GALNT12: variants seen among roughly 807,000 people sequenced by gnomAD.
The protein encoded by GALNT12 is UDP-GalNAc:polypeptide N-acetylgalactosaminyltransferase 12.
A neutral mutation model predicts 55.5 loss-of-function variants in GALNT12; 45 were observed. The ratio of observed to expected loss-of-function variants is 0.81; its 90% CI spans 0.64 to 1.04. GALNT12 has a LOEUF of 1.04. GALNT12 is among the 50% of genes least tolerant of loss of function. GALNT12 has a pLI of 0.00. For missense variants in GALNT12, 709 were observed against 754.8 expected (o/e 0.94, Z 0.71); for synonymous variants, 304 against 312.2 (o/e 0.97, Z 0.28).
intron 2 of GALNT12, among the ~76,000 whole-genome samples, chr9:98,824,401 G>A (rs1364416205): frequency 6.6e-6 from 1 of 152,118 alleles, no homozygotes; most frequent in Non-Finnish European, 1.5e-5. Flanking sequence ...TAAAGGGGAA[G>A]GAGAGCCACA....
At position 98,823,338 on chromosome 9, in the gene GALNT12, C is replaced by G. The variant is rs2118355270; in HGVS notation, c.454C>G (p.Leu152Val). ...IAFYNEAWST[L>V]LRTVYSVLET... ...ATTTTATAATGAAGCCTGGTCAACT[C>G]TCCTTCGGACAGTTTACAGTGTCCT... Residue 152 changes from leucine (L) to valine (V), a missense_variant, in exon 2 of 10, where the codon CTC (leucine) becomes GTC (valine). Physicochemically the swap from Leu to Val is conservative, Grantham distance 32. Coordinates refer to ENST00000375011, the MANE Select transcript of GALNT12 (RefSeq NM_024642.5). 6.2e-7 allele frequency: 1 copy of G among 1,612,824 alleles called. No homozygotes were observed. Among genetic ancestry groups the G allele is most frequent in the Non-Finnish European group, 8.5e-7 (1 of 1,178,744 alleles).
At chr9:98,820,467 A>G (rs1406354016) in intron 1 of GALNT12, among the ~76,000 whole-genome samples, 2 of 152,216 alleles carry the variant, frequency 1.3e-5, no homozygotes. Flanking sequence ...TGGTCTACAT[A>G]TATACCACAT....
Position 98,820,386 on chromosome 9 carries a change from G to A in GALNT12, c.372-2870G>A, listed in dbSNP as rs539280110. Among the ~76,000 whole-genome samples, 3 of 152,216 alleles carry A rather than the reference G, an allele frequency of 2.0e-5. No homozygotes were observed. The South Asian group carries it at 6.2e-4, about 32-fold the overall frequency. Reference sequence around the variant, plus strand: ...CCTGCATTAGTTTGCTGAGGATGATGGCTTCTAGCTCCATCCATGTCCTTG... The same window carrying A: ...CCTGCATTAGTTTGCTGAGGATGATAGCTTCTAGCTCCATCCATGTCCTTG... On this transcript the variant is annotated intron_variant, in intron 1 of 9. Coordinates refer to ENST00000375011, the MANE Select transcript of GALNT12 (RefSeq NM_024642.5).
At chr9:98,845,855 G>T in intron 8 of GALNT12, 122 bp from the exon 9 acceptor site, 1 of 971,272 alleles carries the variant, frequency 1.0e-6, no homozygotes, top group Non-Finnish European at 1.6e-6. Context: ...GCTCGTGTTG[G>T]TGGTGACGCA....
chr9:98,835,280 G>C lies in GALNT12; in HGVS notation c.949G>C (p.Val317Leu), dbSNP rs954825101. The C allele has an allele frequency of 6.2e-7, 1 of 1,614,002 alleles. No homozygotes were observed. The highest frequency in any genetic ancestry group is 1.3e-5 in the African/African-American group (1 of 75,048). The change falls in exon 5 of 10, where the codon GTG becomes CTG. Residue 317 changes from valine (V) to leucine (L), a missense_variant. Transcript: ENST00000375011. ...AACAATGGCTGGTGGGCTGTTTGCT[G>C]TGAGTAAGAAATATTTTGAATATCT... ...SPTMAGGLFA[V>L]SKKYFEYLGS...
chr9:98,821,566 A>G (rs910724993), intron 1 of GALNT12, among the ~76,000 whole-genome samples: 2 of 142,204 alleles, frequency 1.4e-5, no homozygotes, highest in African/African-American at 5.0e-5. Context: ...CAGAGCTTGC[A>G]GTGAGCCGAG....
At chr9:98,835,680 A>T (rs1836124241) in intron 5 of GALNT12, among the ~76,000 whole-genome samples, 1 of 151,848 alleles carries the variant, frequency 6.6e-6, no homozygotes, top group South Asian at 2.1e-4. Context: ...TTAATTCCTT[A>T]TGAAGTGGCC....
At chr9:98,812,151 A>T (rs1835509274) in intron 1 of GALNT12, among the ~76,000 whole-genome samples, 1 of 152,198 alleles carries the variant, frequency 6.6e-6, no homozygotes, top group Non-Finnish European at 1.5e-5. Context: ...TTCTTTCTTG[A>T]GTCAGTACTC....
intron 4 of GALNT12, among the ~76,000 whole-genome samples, chr9:98,834,220 G>C (rs1180485789): frequency 6.6e-6 from 1 of 152,074 alleles, no homozygotes; most frequent in East Asian, 1.9e-4. Flanking sequence ...CTGGATTCAA[G>C]TGATTCTCCT....
chr9:98,827,015 G>C, intron 3 of GALNT12, 74 bp downstream of exon 3: 1 of 1,471,128 alleles, frequency 6.8e-7, no homozygotes, highest in Non-Finnish European at 9.3e-7. Flanking sequence ...GACTCATCAC[G>C]TCACTTGAGG....
At chr9:98,820,242 C>G (rs983507716) in intron 1 of GALNT12, among the ~76,000 whole-genome samples, 5 of 152,170 alleles carry the variant, frequency 3.3e-5, no homozygotes, top group African/African-American at 4.8e-5. Context: ...CTGATACTCT[C>G]CCTCCTCCCA....
intron 1 of GALNT12, among the ~76,000 whole-genome samples, chr9:98,814,325 A>C (rs988689642): frequency 2.6e-5 from 4 of 152,204 alleles, no homozygotes; most frequent in Non-Finnish European, 5.9e-5. Flanking sequence ...AAAAATGTAC[A>C]TCACGATCTC....
At chr9:98,847,794 A>T (rs1355684774) in intron 9 of GALNT12, among the ~76,000 whole-genome samples, 2 of 147,812 alleles carry the variant, frequency 1.4e-5, no homozygotes, top group African/African-American at 5.0e-5. Flanking sequence ...TAGAAAGCTT[A>T]GTTCTTAGGG....
chr9:98,823,104 G>A, intron 1 of GALNT12, 152 bp from the exon 2 acceptor site: 1 of 738,362 alleles, frequency 1.4e-6, no homozygotes, highest in Non-Finnish European at 2.4e-6. Flanking sequence ...GTCTGCTGGG[G>A]CTCCTAGTGC....
chr9:98,810,793 G>A (rs1005158782), intron 1 of GALNT12, among the ~76,000 whole-genome samples: 5 of 152,150 alleles, frequency 3.3e-5, no homozygotes, highest in African/African-American at 4.8e-5. Flanking sequence ...CAGTGGATTC[G>A]AGTATAGTTT....
At position 98,849,832 on chromosome 9, in the gene GALNT12, T is replaced by TG; in HGVS notation, c.*740_*741insG. The TG allele has an allele frequency of 2.8e-6, 1 of 361,962 alleles. No homozygotes were observed. The highest frequency in any genetic ancestry group is 4.0e-5 in the East Asian group (1 of 24,938). The allele number at this position is 361,962 out of a possible 1,614,324, so 22.4% of individuals were successfully genotyped here. On this transcript the variant is annotated 3_prime_UTR_variant, in exon 10 of 10. Transcript: ENST00000375011. ...TACCACTATGACTTTAAAACATGTT[T>TG]ATATCATTTTTAATTTTTATGATAC...
At chr9:98,820,766 TC>T (rs1835718377) in intron 1 of GALNT12, among the ~76,000 whole-genome samples, 1 of 152,202 alleles carries the variant, frequency 6.6e-6, no homozygotes, top group South Asian at 2.1e-4. Flanking sequence ...ATCTGTTGTT[TC>T]TTGACTTTTT....
intron 5 of GALNT12, 106 bp downstream of exon 5, chr9:98,835,472 G>T (rs746897884): frequency 8.3e-5 from 66 of 796,948 alleles, no homozygotes; most frequent in Middle Eastern, 2.6e-4. Context: ...ATGATGACAC[G>T]CATATCCTAT....
At chr9:98,819,553 T>C (rs1032227918) in intron 1 of GALNT12, among the ~76,000 whole-genome samples, 2 of 152,186 alleles carry the variant, frequency 1.3e-5, no homozygotes, top group African/African-American at 4.8e-5. Context: ...CAGATAAGCC[T>C]GTTCACAGCT....
Sources: gnomAD v4.1 joint callset for allele counts (sites outside exome capture counted in the v4.1 genomes callset) on GRCh38, gnomAD v4.1.1 for gene constraint, MANE v1.5 for transcripts, NCBI Gene and HGNC (gene_info 2026-07-23, HGNC 2026-07-21) for gene names.